Variants in CMTM7 observed in about 807,000 individuals in gnomAD.
CMTM7 encodes the protein CKLF-like MARVEL transmembrane domain-containing protein 7.
In CMTM7, 7 loss-of-function variants were observed where a neutral mutation model predicts 19.3. The ratio of observed to expected loss-of-function variants is 0.36; its 90% CI spans 0.21 to 0.68. CMTM7 has a LOEUF of 0.68. CMTM7 is among the 30% of genes least tolerant of loss of function. CMTM7 has a pLI of 0.60. For synonymous variants in CMTM7, 87 were observed against 99.3 expected, an observed-to-expected ratio of 0.88 and a Z score of 0.74; for missense variants, 193 against 232.6, an observed-to-expected ratio of 0.83 and a Z score of 1.11.
intron 1 of CMTM7, among the ~76,000 whole-genome samples, chr3:32,419,673 A>G (rs1466173913): frequency 6.6e-6 from 1 of 152,228 alleles, no homozygotes; most frequent in East Asian, 1.9e-4. Context: ...TTCATAAGGC[A>G]TATACATTTG....
At chr3:32,406,038 C>A (rs766340322) in intron 1 of CMTM7, among the ~76,000 whole-genome samples, 5 of 152,194 alleles carry the variant, frequency 3.3e-5, no homozygotes, top group Non-Finnish European at 5.9e-5. Context: ...TCTTGTGTAA[C>A]CTTTAGGAGT....
At chr3:32,425,893 C>T (rs1018441716) in intron 1 of CMTM7, among the ~76,000 whole-genome samples, 2 of 152,152 alleles carry the variant, frequency 1.3e-5, no homozygotes, top group African/African-American at 4.8e-5. Flanking sequence ...CGCCTGTAAT[C>T]CTAGCACTTT....
chr3:32,421,972 C>G (rs373108036), intron 1 of CMTM7, among the ~76,000 whole-genome samples: 7 of 152,174 alleles, frequency 4.6e-5, no homozygotes, highest in African/African-American at 1.7e-4. Context: ...TGAGGCCCAA[C>G]GGGGTGAACT....
chr3:32,396,344 A>G (rs1695918052), intron 1 of CMTM7, among the ~76,000 whole-genome samples: 1 of 152,032 alleles, frequency 6.6e-6, no homozygotes, highest in South Asian at 2.1e-4. Context: ...TGTCTCTACT[A>G]AAAAATACAA....
In CMTM7 at chr3:32,441,830, T is replaced by G; in HGVS notation, c.160-10T>G. 1 of 1,613,388 alleles carries G rather than the reference T, an allele frequency of 6.2e-7. No homozygotes were observed. The highest frequency in any genetic ancestry group is 2.2e-5 in the East Asian group (1 of 44,866). On this transcript the variant is annotated splice_polypyrimidine_tract_variant and intron_variant, in intron 1 of 4. Transcript: ENST00000334983. ...CAAGCATTTCTCTGATGTCTCTATT[T>G]ATGTGGCAGGTCACCCTGCTGATTG...
Position 32,392,006 on chromosome 3 carries a change from G to A in CMTM7, c.100G>A (p.Gly34Arg). 8.1e-7 allele frequency: 1 copy of A among 1,234,586 alleles called. No individual in the cohort carries two copies. Among genetic ancestry groups the A allele is most frequent in the Non-Finnish European group, 1.0e-6 (1 of 987,082 alleles). 76.5% of individuals were successfully genotyped at this position (1,234,586 alleles called of 1,614,324 possible). A position where few individuals can be genotyped will look rare whatever the true frequency, so the allele number is the denominator to read the frequency against. ...CCAGCCCAGCGCGAGCCCCTTGGAG[G>A]GGCTGCTGGACCTCAGCTACCCCCG... ...AAQPSASPLE[G>R]LLDLSYPRTH... The change falls in exon 1 of 5, where the codon GGG becomes AGG. Residue 34 changes from glycine to arginine, a missense_variant. Transcript: ENST00000334983.
chr3:32,444,645 A>G (rs1361060710), intron 2 of CMTM7, among the ~76,000 whole-genome samples: 1 of 152,256 alleles, frequency 6.6e-6, no homozygotes, highest in Admixed American at 6.5e-5. Context: ...GAATATTGCT[A>G]TCCTAATAAT....
chr3:32,393,502 T>C (rs1695870733), intron 1 of CMTM7, among the ~76,000 whole-genome samples: 2 of 152,202 alleles, frequency 1.3e-5, no homozygotes, highest in Non-Finnish European at 2.9e-5. Flanking sequence ...GAAGCCTCCA[T>C]CTTGGCCCCT....
At chr3:32,398,084 A>T (rs1156245949) in intron 1 of CMTM7, among the ~76,000 whole-genome samples, 1 of 152,216 alleles carries the variant, frequency 6.6e-6, no homozygotes, top group Non-Finnish European at 1.5e-5. Flanking sequence ...GTTAGAGATA[A>T]GTGGTATGTT....
chr3:32,392,553 A>G (rs1695855486), intron 1 of CMTM7, among the ~76,000 whole-genome samples: 1 of 152,232 alleles, frequency 6.6e-6, no homozygotes, highest in African/African-American at 2.4e-5. Context: ...CTCTGTGTGC[A>G]GTTTCGCTCG....
chr3:32,410,349 A>G (rs1248358084), intron 1 of CMTM7, among the ~76,000 whole-genome samples: 2 of 152,252 alleles, frequency 1.3e-5, no homozygotes, highest in East Asian at 3.8e-4. Context: ...AACACAGGAA[A>G]TACTCATCAT....
chr3:32,416,382 T>TTTTTTTTTTC (rs1696264695), intron 1 of CMTM7, among the ~76,000 whole-genome samples: 5 of 100,266 alleles, frequency 5.0e-5, no homozygotes, highest in South Asian at 4.0e-4. Flanking sequence ...TTTTTTTTTT[T>TTTTTTTTTTC]TTTTTTTTTT....
At chr3:32,423,488 C>T (rs532651006) in intron 1 of CMTM7, among the ~76,000 whole-genome samples, 9 of 152,306 alleles carry the variant, frequency 5.9e-5, no homozygotes, top group African/African-American at 2.2e-4. Flanking sequence ...TGTCTTCCTA[C>T]TGCTCCTTCT....
chr3:32,434,935 T>C (rs986051516), intron 1 of CMTM7, among the ~76,000 whole-genome samples: 1 of 152,236 alleles, frequency 6.6e-6, no homozygotes, highest in Non-Finnish European at 1.5e-5. Context: ...AATGAAAATT[T>C]AAATAGTACG....
At chr3:32,442,677 T>C (rs892315082) in intron 2 of CMTM7, among the ~76,000 whole-genome samples, 7 of 152,072 alleles carry the variant, frequency 4.6e-5, no homozygotes, top group Non-Finnish European at 1.0e-4. Flanking sequence ...TGATAGGATT[T>C]TCTGGCTAAA....
At chr3:32,395,888 A>G (rs1383671931) in intron 1 of CMTM7, among the ~76,000 whole-genome samples, 2 of 152,254 alleles carry the variant, frequency 1.3e-5, no homozygotes, top group East Asian at 3.8e-4. Flanking sequence ...TTGCCCATCA[A>G]ATGATGAATG....
chr3:32,435,801 A>G (rs1696589487), intron 1 of CMTM7, among the ~76,000 whole-genome samples: 1 of 152,232 alleles, frequency 6.6e-6, no homozygotes, highest in Non-Finnish European at 1.5e-5. Context: ...AAAAGGTAAA[A>G]TTATATTTGT....
At chr3:32,403,393 T>C (rs1387002131) in intron 1 of CMTM7, among the ~76,000 whole-genome samples, 1 of 152,134 alleles carries the variant, frequency 6.6e-6, no homozygotes. Flanking sequence ...TCTAATTTTT[T>C]GTAGAGACAC....
At chr3:32,424,993 A>G (rs1194896705) in intron 1 of CMTM7, among the ~76,000 whole-genome samples, 1 of 152,132 alleles carries the variant, frequency 6.6e-6, no homozygotes, top group African/African-American at 2.4e-5. Context: ...GAGGCAAAAA[A>G]CGTAGAAAAA....
Sources: gnomAD v4.1 joint callset for allele counts (sites outside exome capture counted in the v4.1 genomes callset) on GRCh38, gnomAD v4.1.1 for gene constraint, MANE v1.5 for transcripts, NCBI Gene and HGNC (gene_info 2026-07-23, HGNC 2026-07-21) for gene names.